Variants in KIR2DL1 observed in about 807,000 individuals in gnomAD.
KIR2DL1 encodes killer cell immunoglobulin-like receptor 2DL1.
In KIR2DL1, 38 loss-of-function variants were observed where a neutral mutation model predicts 33.9. The ratio of observed to expected loss-of-function variants is 1.12; its 90% CI spans 0.86 to 1.47. The LOEUF is 1.47. KIR2DL1 is among the 40% of genes most tolerant of loss of function. The probability of loss-of-function intolerance (pLI) is 0.00; values close to 1 mark genes in which losing one functional copy is unlikely to be tolerated. For synonymous variants in KIR2DL1, 179 were observed against 165.9 expected, an observed-to-expected ratio of 1.08 and a Z score of -0.61; for missense variants, 531 against 433.9, an observed-to-expected ratio of 1.22 and a Z score of -1.99.
intron 5 of KIR2DL1, among the ~76,000 whole-genome samples, chr19:54,781,630 A>G (rs2076958554): frequency 1.3e-5 from 2 of 151,724 alleles, no homozygotes; most frequent in African/African-American, 2.4e-5. Flanking sequence ...TTGAAGCAAT[A>G]GATGGCCGAG....
chr19:54,778,001 C>T (rs1176690079), intron 4 of KIR2DL1, among the ~76,000 whole-genome samples: 4 of 148,600 alleles, frequency 2.7e-5, no homozygotes, highest in Non-Finnish European at 6.0e-5. Context: ...TGGCTAACAC[C>T]TGCAATTTCA....
chr19:54,778,611 G>C lies in KIR2DL1; in HGVS notation c.665-1G>C, dbSNP rs1411420551. ...CACCTCTCTCCTGTCTCATGTTCTA[G>C]GAAACCCTTCAAATAGTTGGCCTTC... is the stretch of plus-strand genomic sequence containing the variant. On this transcript the variant is annotated splice_acceptor_variant, in intron 4 of 7. Coordinates refer to ENST00000336077, the MANE Select transcript of KIR2DL1 (RefSeq NM_014218.3). LOFTEE classifies it high-confidence loss of function. 2.6e-6 allele frequency: 4 copies of C among 1,560,726 alleles called. No individual in the cohort carries two copies. Among genetic ancestry groups the C allele is most frequent in the Non-Finnish European group, 3.5e-6 (4 of 1,138,898 alleles).
At chr19:54,770,729 G>C (rs1362105305) in intron 1 of KIR2DL1, 120 bp from the exon 2 acceptor site, 4 of 1,386,162 alleles carry the variant, frequency 2.9e-6, no homozygotes, top group African/African-American at 1.4e-5. Flanking sequence ...TAGGCACTGA[G>C]GGTGAGTTTA....
In KIR2DL1 at chr19:54,778,671, A is replaced by C; in HGVS notation, c.715+9A>C. ...ACCAAGCTCCAAAACCGGTGAGTACAGAACCCTCTTATATCCGCTTTTGGA... is the reference window on the plus strand; with the variant it reads ...ACCAAGCTCCAAAACCGGTGAGTACCGAACCCTCTTATATCCGCTTTTGGA... On this transcript the variant is annotated intron_variant, in intron 5 of 7. Transcript: ENST00000336077. The C allele has an allele frequency of 6.5e-7, 1 of 1,531,600 alleles. No individual in the cohort carries two copies. The highest frequency in any genetic ancestry group is 9.0e-7 in the Non-Finnish European group (1 of 1,116,728). The allele number at this position is 1,531,600 out of a possible 1,614,324, so 94.9% of individuals were successfully genotyped here.
chr19:54,779,488 AC>A (rs1373712122), intron 5 of KIR2DL1, among the ~76,000 whole-genome samples: 1 of 146,052 alleles, frequency 6.8e-6, no homozygotes, highest in Non-Finnish European at 1.5e-5. Flanking sequence ...CTTCTTCCTT[AC>A]CACACCTCTT....
intron 5 of KIR2DL1, among the ~76,000 whole-genome samples, chr19:54,780,541 T>C (rs1569226935): frequency 6.9e-6 from 1 of 143,954 alleles, no homozygotes; most frequent in Non-Finnish European, 1.5e-5. Context: ...CACCTCGGGG[T>C]AACCAGGAAT....
At chr19:54,780,904 G>C (rs1244668559) in intron 5 of KIR2DL1, among the ~76,000 whole-genome samples, 2 of 104,894 alleles carry the variant, frequency 1.9e-5, no homozygotes, top group East Asian at 4.6e-4. Context: ...TCTGTGAACA[G>C]TGGCTCACGC....
chr19:54,774,939 A>G (rs1298879933), intron 3 of KIR2DL1, among the ~76,000 whole-genome samples: 1 of 148,540 alleles, frequency 6.7e-6, no homozygotes, highest in Non-Finnish European at 1.5e-5. Flanking sequence ...GAATAAAACA[A>G]TCCAAAAAGA....
At chr19:54,779,663 C>T (rs2076740469) in intron 5 of KIR2DL1, among the ~76,000 whole-genome samples, 2 of 148,544 alleles carry the variant, frequency 1.3e-5, no homozygotes, top group Non-Finnish European at 3.0e-5. Context: ...AATCTTCATT[C>T]CTCCTTTCCA....
chr19:54,771,867 G>T (rs2075766574), intron 2 of KIR2DL1, among the ~76,000 whole-genome samples: 1 of 147,628 alleles, frequency 6.8e-6, no homozygotes, highest in Admixed American at 6.9e-5. Context: ...TCGGCACCCA[G>T]CAACCCCCTG....
At chr19:54,776,255 A>G (rs1166988016) in intron 4 of KIR2DL1, among the ~76,000 whole-genome samples, 2 of 146,480 alleles carry the variant, frequency 1.4e-5, no homozygotes, top group African/African-American at 2.5e-5. Context: ...ATATATATAT[A>G]CATTTTTTTT....
In KIR2DL1 at chr19:54,775,173, G is replaced by C. The variant is rs369705644; in HGVS notation, c.379G>C (p.Glu127Gln). Residue 127 changes from glutamate (E) to glutamine (Q), a missense_variant, in exon 4 of 8, where the codon GAG becomes CAG. Glu to Gln is a conservative substitution (Grantham distance 29). Transcript: ENST00000336077. ...PLDIVIIGLY[E>Q]KPSLSAQLGP... ...GCCTCTTCTCCTTCCAGGTCTATAT[G>C]AGAAACCTTCTCTCTCAGCCCAGCT... 168 of 1,582,992 alleles carry C rather than the reference G, an allele frequency of 1.1e-4. No homozygotes were observed. Among genetic ancestry groups the C allele is most frequent in the Non-Finnish European group, 1.3e-4 (150 of 1,158,904 alleles).
chr19:54,778,463 A>T (rs1251453040), intron 4 of KIR2DL1, 149 bp from the exon 5 acceptor site: 2 of 797,248 alleles, frequency 2.5e-6, no homozygotes, highest in African/African-American at 1.8e-5. Flanking sequence ...TGGGTGTCAT[A>T]TAAAAAAATT....
intron 4 of KIR2DL1, among the ~76,000 whole-genome samples, chr19:54,777,154 T>C (rs587475): frequency 7.0e-6 from 1 of 142,846 alleles, no homozygotes; most frequent in Admixed American, 7.0e-5. Context: ...GCAGTGGCGC[T>C]ATCTCGGCTC....
intron 4 of KIR2DL1, among the ~76,000 whole-genome samples, chr19:54,776,243 A>G (rs1294978160): frequency 1.4e-5 from 2 of 147,126 alleles, no homozygotes; most frequent in African/African-American, 5.0e-5. Context: ...ATTTTTATAT[A>G]TATATATATA....
rs984243589 is a variant in KIR2DL1 at position 54,776,000 on chromosome 19, T to A, written c.664+542T>A. Among the ~76,000 whole-genome samples the A allele has an allele frequency of 3.4e-5, 5 of 146,604 alleles. 2 individuals are homozygous for A. The highest frequency in any genetic ancestry group is 7.6e-5 in the Non-Finnish European group (5 of 65,466). On this transcript the variant is annotated intron_variant, in intron 4 of 7. Coordinates refer to ENST00000336077, the MANE Select transcript of KIR2DL1 (RefSeq NM_014218.3). ...TCCGCCTCCTGGGTTCAAGCGATTC[T>A]CCTGCCTCAGCCACCTGAGTAGCTA...
chr19:54,773,474 G>C lies in KIR2DL1; in HGVS notation c.212G>C (p.Arg71Pro). 1 of 1,531,860 alleles carries C rather than the reference G, an allele frequency of 6.5e-7. No individual in the cohort carries two copies. Among genetic ancestry groups the C allele is most frequent in the Non-Finnish European group, 9.0e-7 (1 of 1,110,180 alleles). 94.9% of individuals were successfully genotyped at this position (1,531,860 alleles called of 1,614,324 possible). A position where few individuals can be genotyped will look rare whatever the true frequency, so the allele number is the denominator to read the frequency against. ...HREGMFNDTL[R>P]LIGEHHDGVS... ...GAGGGGATGTTTAACGACACTTTGC[G>C]CCTCATTGGAGAACACCATGATGGG... Residue 71 changes from arginine to proline, a missense_variant, in exon 3 of 8, where the codon CGC (arginine) becomes CCC (proline). Physicochemically the swap from Arg to Pro is moderately radical, Grantham distance 103. Coordinates refer to ENST00000336077, the MANE Select transcript of KIR2DL1 (RefSeq NM_014218.3).
intron 4 of KIR2DL1, among the ~76,000 whole-genome samples, chr19:54,776,029 C>A (rs796810974): frequency 1.2e-4 from 17 of 145,872 alleles, no homozygotes; most frequent in African/African-American, 4.3e-4. Context: ...GTAGCTAGTG[C>A]TACAGGCACG....
chr19:54,781,427 C>CA (rs1360575345), intron 5 of KIR2DL1, among the ~76,000 whole-genome samples: 52 of 145,470 alleles, frequency 3.6e-4, no homozygotes, highest in Non-Finnish European at 2.0e-4. Context: ...CTGGTCATCA[C>CA]AAAAAAAACT....
Sources: gnomAD v4.1 joint callset for allele counts (sites outside exome capture counted in the v4.1 genomes callset) on GRCh38, gnomAD v4.1.1 for gene constraint, MANE v1.5 for transcripts, NCBI Gene and HGNC (gene_info 2026-07-23, HGNC 2026-07-21) for gene names.